Variants in ELP4 observed in about 807,000 individuals in gnomAD.
ELP4 encodes elongator complex protein 4.
ELP4 carries 51 observed loss-of-function variants against 48.9 expected under a neutral mutation model. That is an observed-to-expected ratio of 1.04 (90% CI 0.83 to 1.32). The LOEUF is 1.32. Ranked by LOEUF, ELP4 falls within the 40% of genes most tolerant of loss-of-function variation. The pLI is 0.00. For synonymous variants in ELP4, 210 were observed against 189.2 expected (o/e 1.11, Z -0.90); for missense variants, 519 against 514.6 (o/e 1.01, Z -0.08).
intron 9 of ELP4, among the ~76,000 whole-genome samples, chr11:31,682,891 A>G (rs1439983461): frequency 2.0e-5 from 3 of 152,076 alleles, no homozygotes; most frequent in African/African-American, 7.2e-5. Flanking sequence ...CTTTCTATTT[A>G]TATTATTACT....
At chr11:31,626,791 T>C (rs1467042463) in intron 5 of ELP4, among the ~76,000 whole-genome samples, 2 of 151,874 alleles carry the variant, frequency 1.3e-5, no homozygotes, top group Non-Finnish European at 2.9e-5. Context: ...CTATAGTGGC[T>C]TCATCTTTTA....
At chr11:31,669,307 A>G (rs761606889) in intron 9 of ELP4, among the ~76,000 whole-genome samples, 2 of 151,870 alleles carry the variant, frequency 1.3e-5, no homozygotes, top group Admixed American at 6.6e-5. Context: ...AATGGTCTCA[A>G]TCTCCTAACC....
At chr11:31,527,985 C>T (rs1216261887) in intron 2 of ELP4, among the ~76,000 whole-genome samples, 4 of 151,988 alleles carry the variant, frequency 2.6e-5, no homozygotes, top group South Asian at 2.1e-4. Context: ...TAGACCTTTG[C>T]TTATGTTCTT....
At chr11:31,757,225 G>C (rs780403015) in intron 9 of ELP4, among the ~76,000 whole-genome samples, 3 of 152,164 alleles carry the variant, frequency 2.0e-5, no homozygotes, top group Non-Finnish European at 4.4e-5. Context: ...GAAAACCATG[G>C]AAGGGGTTAA....
rs545445723 is a variant in ELP4, at chr11:31,569,364, A to G, written c.382-25406A>G. On this transcript the variant is annotated intron_variant, in intron 3 of 9. Coordinates refer to ENST00000640961, the MANE Select transcript of ELP4 (RefSeq NM_019040.5). ...AAACTGTGCATCTGACACAGGCCTAATACCCAGATCCTATAAGAAACTTAA... is the reference window on the plus strand; with the variant it reads ...AAACTGTGCATCTGACACAGGCCTAGTACCCAGATCCTATAAGAAACTTAA... 2.0e-4 allele frequency among the ~76,000 whole-genome samples: 31 copies of G among 152,344 alleles called. 1 individual carries two copies. The highest frequency in any genetic ancestry group is 3.4e-3 in the Middle Eastern group (1 of 294).
intron 9 of ELP4, among the ~76,000 whole-genome samples, chr11:31,693,000 A>G (rs1323426490): frequency 6.6e-6 from 1 of 152,094 alleles, no homozygotes; most frequent in Non-Finnish European, 1.5e-5. Flanking sequence ...AGAGACCACA[A>G]GTGTCTTGTT....
At chr11:31,580,673 T>C (rs1203860035) in intron 3 of ELP4, 1 of 154,766 alleles carries the variant, frequency 6.5e-6, no homozygotes, top group Non-Finnish European at 1.4e-5. Flanking sequence ...TTTGTTTGTT[T>C]TTGAGACAGG....
At chr11:31,678,512 T>C (rs1270966933) in intron 9 of ELP4, among the ~76,000 whole-genome samples, 1 of 131,098 alleles carries the variant, frequency 7.6e-6, no homozygotes. Flanking sequence ...TGTGTGTGTG[T>C]GTGTGTGTGT....
chr11:31,667,587 T>A (rs1395827624), intron 9 of ELP4, among the ~76,000 whole-genome samples: 1 of 152,186 alleles, frequency 6.6e-6, no homozygotes, highest in East Asian at 1.9e-4. Context: ...GTGAGCCATG[T>A]AAGATTTAGG....
chr11:31,528,395 A>G (rs2133889509), intron 2 of ELP4, among the ~76,000 whole-genome samples: 1 of 152,254 alleles, frequency 6.6e-6, no homozygotes, highest in African/African-American at 2.4e-5. Context: ...ATTTGAAGTA[A>G]TGGAAACTCC....
chr11:31,778,584 TCACAAAACA>T (rs1378381101), intron 9 of ELP4, among the ~76,000 whole-genome samples: 1 of 152,156 alleles, frequency 6.6e-6, no homozygotes, highest in Non-Finnish European at 1.5e-5. Context: ...ACTTGATAGT[TCACAAAACA>T]CTTACACATC....
chr11:31,727,705 A>G (rs533815569), intron 9 of ELP4: 1 of 152,176 alleles, frequency 6.6e-6, no homozygotes, highest in African/African-American at 2.4e-5. Context: ...ATCTATTATT[A>G]TTGTTTCACA....
chr11:31,766,785 A>G (rs1432558996), intron 9 of ELP4, among the ~76,000 whole-genome samples: 1 of 152,074 alleles, frequency 6.6e-6, no homozygotes, highest in African/African-American at 2.4e-5. Flanking sequence ...TTTGTAATAT[A>G]CTCTGTAATT....
At chr11:31,547,867 C>A (rs1172940452) in intron 3 of ELP4, among the ~76,000 whole-genome samples, 1 of 152,150 alleles carries the variant, frequency 6.6e-6, no homozygotes, top group Non-Finnish European at 1.5e-5. Flanking sequence ...AGCATATAAA[C>A]AGAACCAAAG....
At chr11:31,580,223 C>T (rs1234508288) in intron 3 of ELP4, among the ~76,000 whole-genome samples, 2 of 152,116 alleles carry the variant, frequency 1.3e-5, no homozygotes, top group African/African-American at 2.4e-5. Flanking sequence ...ATTGTTCTTC[C>T]AGTCTGATTG....
intron 3 of ELP4, among the ~76,000 whole-genome samples, chr11:31,577,576 C>A (rs536563225): frequency 2.0e-5 from 3 of 152,180 alleles, no homozygotes; most frequent in Admixed American, 6.5e-5. Context: ...TCCAGCAGCA[C>A]ATCAAAAAGC....
intron 3 of ELP4, among the ~76,000 whole-genome samples, chr11:31,584,510 T>TTTTTG (rs1257017417): frequency 2.0e-5 from 3 of 151,982 alleles, no homozygotes; most frequent in Non-Finnish European, 4.4e-5. Flanking sequence ...ATTTATAGTT[T>TTTTTG]TTTTGTTTTG....
intron 1 of ELP4, among the ~76,000 whole-genome samples, chr11:31,512,844 A>T (rs1458964112): frequency 7.2e-6 from 1 of 138,970 alleles, no homozygotes; most frequent in South Asian, 2.4e-4. Context: ...AAAGGTATAT[A>T]CTCCATCATA....
intron 3 of ELP4, among the ~76,000 whole-genome samples, chr11:31,544,753 C>T (rs1016992094): frequency 6.6e-6 from 1 of 152,214 alleles, no homozygotes; most frequent in Non-Finnish European, 1.5e-5. Flanking sequence ...AGGCACCCCC[C>T]AGTAGGGGCA....
Sources: allele counts gnomAD v4.1 joint callset (sites outside exome capture counted in the v4.1 genomes callset), GRCh38; gene constraint gnomAD v4.1.1; transcripts MANE v1.5; gene names NCBI Gene and HGNC (gene_info 2026-07-23, HGNC 2026-07-21).